CCDC158: variants seen among roughly 807,000 people sequenced by gnomAD.
The protein encoded by CCDC158 is coiled-coil domain containing 158, also known as coiled-coil domain-containing protein 158.
A neutral mutation model predicts 138.6 loss-of-function variants in CCDC158; 116 were observed. That is an observed-to-expected ratio of 0.84 (90% CI 0.72 to 0.98). The LOEUF (loss-of-function observed/expected upper bound fraction) is 0.98, where lower values mean the gene tolerates loss of function less well. Among genes scored for constraint, CCDC158 ranks in the 50% least tolerant of loss-of-function variants. The probability of loss-of-function intolerance (pLI) is 0.00; values close to 1 mark genes in which losing one functional copy is unlikely to be tolerated. For synonymous variants in CCDC158, 436 were observed against 442.4 expected, an observed-to-expected ratio of 0.99 and a Z score of 0.18; for missense variants, 1,265 against 1,306.1, an observed-to-expected ratio of 0.97 and a Z score of 0.48.
At chr4:76,326,300 C>A (rs999788008) in intron 22 of CCDC158, among the ~76,000 whole-genome samples, 1 of 152,126 alleles carries the variant, frequency 6.6e-6, no homozygotes, top group Non-Finnish European at 1.5e-5. Context: ...CTACCAAATG[C>A]AAGCATGAAT....
intron 9 of CCDC158, chr4:76,375,442 G>C: frequency 1.8e-6 from 1 of 563,052 alleles, no homozygotes; most frequent in East Asian, 3.0e-5. Context: ...CAGCATGGCG[G>C]TGCATTGGCA....
chr4:76,409,271 C>G (rs1324172816), intron 2 of CCDC158, among the ~76,000 whole-genome samples: 2 of 151,814 alleles, frequency 1.3e-5, no homozygotes, highest in Non-Finnish European at 2.9e-5. Context: ...TATTTTCAGG[C>G]ATAAAGCTTA....
Position 76,332,505 on chromosome 4 carries a change from A to G in CCDC158, c.2823-14T>C. On this transcript the variant is annotated splice_polypyrimidine_tract_variant and intron_variant, in intron 19 of 24. Transcript: ENST00000682701. Reference sequence around the variant, plus strand: ...ACCCTATCCTCTCTGTATAGAAAATATAACTCTCAGTTAATCATATAAAGC... The same window carrying G: ...ACCCTATCCTCTCTGTATAGAAAATGTAACTCTCAGTTAATCATATAAAGC... 6.3e-7 allele frequency: 1 copy of G among 1,584,256 alleles called. No homozygotes were observed. Among genetic ancestry groups the G allele is most frequent in the South Asian group, 1.1e-5 (1 of 87,328 alleles).
chr4:76,330,879 A>G (rs1422149618), intron 21 of CCDC158, among the ~76,000 whole-genome samples: 1 of 152,192 alleles, frequency 6.6e-6, no homozygotes, highest in East Asian at 1.9e-4. Flanking sequence ...GTGTTTAGAA[A>G]GATTCAAATT....
chr4:76,314,147 T>TA (rs1319999600), intron 24 of CCDC158, among the ~76,000 whole-genome samples: 2 of 152,182 alleles, frequency 1.3e-5, no homozygotes, highest in Non-Finnish European at 2.9e-5. Flanking sequence ...GAATTCCCCC[T>TA]AAAAATATTT....
At chr4:76,315,010 G>A (rs867943447) in intron 24 of CCDC158, among the ~76,000 whole-genome samples, 2 of 152,138 alleles carry the variant, frequency 1.3e-5, no homozygotes, top group African/African-American at 4.8e-5. Flanking sequence ...GAAGTTTATA[G>A]CACGGGCAAG....
intron 21 of CCDC158, 68 bp downstream of exon 21, chr4:76,331,276 G>T: frequency 7.3e-7 from 1 of 1,369,914 alleles, no homozygotes. Flanking sequence ...GACAGTTAAA[G>T]ATCTTTTGAA....
intron 1 of CCDC158, among the ~76,000 whole-genome samples, chr4:76,415,462 C>T (rs1461941626): frequency 6.6e-6 from 1 of 151,946 alleles, no homozygotes; most frequent in East Asian, 1.9e-4. Context: ...AGTCTGTGGG[C>T]GGCAAGCCAT....
intron 10 of CCDC158, among the ~76,000 whole-genome samples, chr4:76,370,750 G>A (rs1423857798): frequency 6.6e-6 from 1 of 152,132 alleles, no homozygotes; most frequent in Admixed American, 6.5e-5. Flanking sequence ...CAAATGTTAG[G>A]TAAAGAACTG....
intron 24 of CCDC158, among the ~76,000 whole-genome samples, chr4:76,322,869 A>C (rs1007112307): frequency 1.3e-5 from 2 of 152,214 alleles, no homozygotes; most frequent in Non-Finnish European, 2.9e-5. Flanking sequence ...AGTGTCTTAT[A>C]GTGCTATGCT....
rs370950343 is a variant in CCDC158 at position 76,323,648 on chromosome 4, G to A, written c.3170-239C>T. Among the ~76,000 whole-genome samples, 13 of 152,266 alleles carry A rather than the reference G, an allele frequency of 8.5e-5. No homozygotes were observed. The East Asian group carries it at 1.5e-3, about 18-fold the overall frequency. The stretch of plus-strand genomic sequence containing the variant: ...TATTTGATTGTGCTCAAACCAATCC[G>A]ATGTATCATTATTTAACTACATAAT... On this transcript the variant is annotated intron_variant, in intron 23 of 24. Transcript: ENST00000682701.
intron 9 of CCDC158, among the ~76,000 whole-genome samples, chr4:76,373,349 A>T (rs1176414764): frequency 6.6e-6 from 1 of 152,256 alleles, no homozygotes; most frequent in Non-Finnish European, 1.5e-5. Flanking sequence ...CTATTTTATC[A>T]TCTACTTTCT....
At chr4:76,337,269 C>A (rs1461272808) in intron 18 of CCDC158, among the ~76,000 whole-genome samples, 1 of 152,200 alleles carries the variant, frequency 6.6e-6, no homozygotes, top group Non-Finnish European at 1.5e-5. Flanking sequence ...CCATGTGAAC[C>A]ACCATGCCTG....
rs377168155 is a variant in CCDC158, at chr4:76,371,460, C to T, written c.1106G>A (p.Ser369Asn). Residue 369 changes from serine to asparagine, a missense_variant, in exon 10 of 25, where the codon AGT (serine) becomes AAT (asparagine). Transcript: ENST00000682701. ...ATCATCTAAATTTCCAGATTCCTGA[C>T]TGAATTGATCACGCTCTGTCCGGGC... The part of the protein sequence containing the change: ...TEARTERDQF[S>N]QESGNLDDQL... 1.2e-6 allele frequency: 2 copies of T among 1,613,974 alleles called. No homozygotes were observed. Among genetic ancestry groups the T allele is most frequent in the Non-Finnish European group, 1.7e-6 (2 of 1,179,982 alleles).
At chr4:76,371,811 G>A (rs374439060) in intron 9 of CCDC158, among the ~76,000 whole-genome samples, 13 of 152,050 alleles carry the variant, frequency 8.5e-5, no homozygotes, top group African/African-American at 1.2e-4. Flanking sequence ...GGTAGTGGGC[G>A]CCTGTAATCC....
At position 76,356,678 on chromosome 4, in the gene CCDC158, C is replaced by T. The variant is rs1245260843; in HGVS notation, c.2173+696G>A. 2.6e-5 allele frequency: 4 copies of T among 152,014 alleles called. No homozygotes were observed. The East Asian group carries it at 7.7e-4, about 29-fold the overall frequency. The allele number at this position is 152,014 out of a possible 1,614,324, so 9.4% of individuals were successfully genotyped here. ...GAGACTATGGTAATCTTCTTTATAT[C>T]GTTCTAATTTTAGTATAAGTGCGGC... On this transcript the variant is annotated intron_variant, in intron 14 of 24. Transcript: ENST00000682701.
intron 2 of CCDC158, among the ~76,000 whole-genome samples, chr4:76,406,518 C>T (rs1728840949): frequency 6.6e-6 from 1 of 152,128 alleles, no homozygotes; most frequent in South Asian, 2.1e-4. Flanking sequence ...AGACAATATA[C>T]TTTCCTCTCC....
chr4:76,398,133 T>G (rs149718043), intron 3 of CCDC158, among the ~76,000 whole-genome samples: 4 of 152,314 alleles, frequency 2.6e-5, no homozygotes, highest in Non-Finnish European at 4.4e-5. Flanking sequence ...AGCTGTTTTA[T>G]TCCTGAAGAA....
At chr4:76,322,309 G>A (rs1372357862) in intron 24 of CCDC158, among the ~76,000 whole-genome samples, 1 of 152,142 alleles carries the variant, frequency 6.6e-6, no homozygotes, top group Non-Finnish European at 1.5e-5. Flanking sequence ...GGATTTTGGA[G>A]TCAGAAATTG....
Sources: allele counts gnomAD v4.1 joint callset (sites outside exome capture counted in the v4.1 genomes callset), GRCh38; gene constraint gnomAD v4.1.1; transcripts MANE v1.5; gene names NCBI Gene and HGNC (gene_info 2026-07-23, HGNC 2026-07-21).